NCAM1: variants seen among roughly 807,000 people sequenced by gnomAD.
The protein encoded by NCAM1 is neural cell adhesion molecule 1, also known as antigen recognized by monoclonal antibody 5.1H11.
Under a neutral mutation model 109.8 loss-of-function variants are expected in NCAM1, and 14 were observed. The ratio of observed to expected loss-of-function variants is 0.13; its 90% CI spans 0.08 to 0.20. The LOEUF (loss-of-function observed/expected upper bound fraction) is 0.20. NCAM1 is among the 10% of genes least tolerant of loss of function. The pLI is 1.00. For synonymous variants in NCAM1, 418 were observed against 442.9 expected (o/e 0.94, Z 0.70); for missense variants, 774 against 1,109.9 (o/e 0.70, Z 4.30).
At chr11:113,138,074 G>T (rs934973607) in intron 1 of NCAM1, among the ~76,000 whole-genome samples, 5 of 152,184 alleles carry the variant, frequency 3.3e-5, no homozygotes, top group Non-Finnish European at 7.3e-5. Context: ...TGAGTCCCAG[G>T]TGTATGGGTG....
chr11:113,083,320 G>C (rs141195568), intron 1 of NCAM1, among the ~76,000 whole-genome samples: 1 of 152,104 alleles, frequency 6.6e-6, no homozygotes, highest in South Asian at 2.1e-4. Flanking sequence ...AATATACACA[G>C]TTAATATCAG....
chr11:113,053,007 G>C (rs553516413), intron 1 of NCAM1, among the ~76,000 whole-genome samples: 5 of 152,284 alleles, frequency 3.3e-5, no homozygotes, highest in African/African-American at 1.2e-4. Context: ...CACAAAGAGT[G>C]TAGGTCTTTG....
intron 1 of NCAM1, among the ~76,000 whole-genome samples, chr11:113,185,083 G>GT (rs1943467601): frequency 1.8e-5 from 2 of 113,840 alleles, no homozygotes; most frequent in African/African-American, 7.4e-5. Flanking sequence ...TATATATAGA[G>GT]AGAGAGAGAG....
At chr11:113,218,716 A>G (rs1414421054) in intron 8 of NCAM1, among the ~76,000 whole-genome samples, 1 of 152,270 alleles carries the variant, frequency 6.6e-6, no homozygotes, top group Non-Finnish European at 1.5e-5. Flanking sequence ...GTTTAGCTCG[A>G]CAACTGATAA....
intron 15 of NCAM1, among the ~76,000 whole-genome samples, chr11:113,250,197 G>A (rs782688829): frequency 1.1e-4 from 16 of 152,156 alleles, no homozygotes; most frequent in Non-Finnish European, 2.2e-4. Context: ...TACACTGCCC[G>A]GCTGTTCTTC....
chr11:113,214,583 G>A lies in NCAM1; in HGVS notation c.1059+72G>A. The stretch of plus-strand genomic sequence containing the variant: ...AGCAGATTGAGTCTGCTCATGCCCA[G>A]TTCTCTTTGGGGAGCTGGGAGATGG... On this transcript the variant is annotated intron_variant, in intron 8 of 19. Transcript: ENST00000316851. 3 of 1,495,794 alleles carry A rather than the reference G, an allele frequency of 2.0e-6. No homozygotes were observed. In the East Asian group the frequency reaches 7.4e-5, roughly 37 times the overall value. 92.7% of individuals were successfully genotyped at this position (1,495,794 alleles called of 1,614,324 possible).
intron 3 of NCAM1, among the ~76,000 whole-genome samples, 163 bp downstream of exon 3, chr11:113,204,667 C>A (rs1555112549): frequency 6.6e-6 from 1 of 152,200 alleles, no homozygotes; most frequent in Admixed American, 6.5e-5. Context: ...CCAGAACTCA[C>A]AACCCTGGTT....
chr11:113,231,308 T>A (rs782539999), intron 9 of NCAM1: 1 of 1,535,100 alleles, frequency 6.5e-7, no homozygotes, highest in Non-Finnish European at 8.7e-7. Flanking sequence ...CAATATCTGC[T>A]GGCCGGAGGC....
chr11:113,027,031 C>G (rs1045145878), intron 1 of NCAM1, among the ~76,000 whole-genome samples: 1 of 152,166 alleles, frequency 6.6e-6, no homozygotes, highest in African/African-American at 2.4e-5. Context: ...AGAAGGACAA[C>G]GATGAGGCAT....
rs147451390 is a variant in NCAM1 at position 113,103,343 on chromosome 11, T to C, written c.53-99036T>C. On this transcript the variant is annotated intron_variant, in intron 1 of 19. Coordinates refer to ENST00000316851, the MANE Select transcript of NCAM1 (RefSeq NM_181351.5). ...TCAAGCTAAATGGAGTGATTTGAAA[T>C]GTAAATGGATTCCTTTTCCTTTTTG... Among the ~76,000 whole-genome samples, 558 of 152,344 alleles carry C rather than the reference T, an allele frequency of 3.7e-3. 1 individual carries two copies. The highest frequency in any genetic ancestry group is 6.1e-3 in the Non-Finnish European group (413 of 68,024).
chr11:112,998,861 G>T (rs753615565), intron 1 of NCAM1, among the ~76,000 whole-genome samples: 15 of 151,908 alleles, frequency 9.9e-5, no homozygotes, highest in Non-Finnish European at 1.9e-4. Flanking sequence ...ATGGTTTTTT[G>T]AACTTTTGGA....
chr11:113,236,070 C>T (rs1945159131), intron 14 of NCAM1, among the ~76,000 whole-genome samples: 1 of 152,176 alleles, frequency 6.6e-6, no homozygotes, highest in Non-Finnish European at 1.5e-5. Flanking sequence ...AAGCCAGGGG[C>T]CTGCAAAGGG....
At chr11:113,159,838 T>A (rs1369172406) in intron 1 of NCAM1, among the ~76,000 whole-genome samples, 2 of 147,592 alleles carry the variant, frequency 1.4e-5, no homozygotes, top group African/African-American at 5.0e-5. Context: ...GTATATCTCC[T>A]AATGCTATCC....
chr11:113,067,752 A>G (rs1174079246), intron 1 of NCAM1, among the ~76,000 whole-genome samples: 3 of 152,200 alleles, frequency 2.0e-5, no homozygotes, highest in Non-Finnish European at 4.4e-5. Flanking sequence ...CTGATAAATT[A>G]CAAATGATTC....
intron 1 of NCAM1, among the ~76,000 whole-genome samples, chr11:113,052,895 C>T (rs12576995): frequency 6.6e-6 from 1 of 152,162 alleles, no homozygotes; most frequent in East Asian, 1.9e-4. Flanking sequence ...GCTCCCCTCC[C>T]TGTGTCCATA....
intron 1 of NCAM1, among the ~76,000 whole-genome samples, chr11:113,032,919 T>C (rs1174798260): frequency 2.0e-5 from 3 of 152,244 alleles, no homozygotes; most frequent in Non-Finnish European, 4.4e-5. Context: ...TTAAAATAGA[T>C]GCAGAGATGT....
At chr11:112,983,050 A>T (rs782806372) in intron 1 of NCAM1, among the ~76,000 whole-genome samples, 5 of 151,990 alleles carry the variant, frequency 3.3e-5, no homozygotes, top group Non-Finnish European at 7.4e-5. Flanking sequence ...TGTAATAGTT[A>T]TTAAAAAGTG....
intron 1 of NCAM1, among the ~76,000 whole-genome samples, chr11:113,000,418 TA>T (rs1555072180): frequency 6.6e-6 from 1 of 152,110 alleles, no homozygotes; most frequent in African/African-American, 2.4e-5. Context: ...TTCTGACACA[TA>T]AAAAGCACAG....
intron 9 of NCAM1, among the ~76,000 whole-genome samples, chr11:113,229,885 A>G (rs1555116874): frequency 2.0e-5 from 3 of 152,096 alleles, no homozygotes; most frequent in African/African-American, 7.2e-5. Context: ...TTGAACAATG[A>G]GAACACTTGG....
Sources: gnomAD v4.1 joint callset for allele counts (sites outside exome capture counted in the v4.1 genomes callset) on GRCh38, gnomAD v4.1.1 for gene constraint, MANE v1.5 for transcripts, NCBI Gene and HGNC (gene_info 2026-07-23, HGNC 2026-07-21) for gene names.